Variants in KCNIP1 observed in about 807,000 individuals in gnomAD.
KCNIP1 encodes the protein A-type potassium channel modulatory protein KCNIP1.
A neutral mutation model predicts 33.0 loss-of-function variants in KCNIP1; 18 were observed. That is an observed-to-expected ratio of 0.55 (90% CI 0.38 to 0.81). The LOEUF (loss-of-function observed/expected upper bound fraction) is 0.81, where lower values mean the gene tolerates loss of function less well. KCNIP1 is among the 30% of genes least tolerant of loss of function. KCNIP1 has a pLI of 0.00. For missense variants in KCNIP1, 238 were observed against 271.6 expected, an observed-to-expected ratio of 0.88 and a Z score of 0.87; for synonymous variants, 93 against 98.3, an observed-to-expected ratio of 0.95 and a Z score of 0.32.
chr5:170,367,412 AGAAAGAAAGGAAAGAAAGAAAGAAAG>A (rs1561586913), intron 1 of KCNIP1, among the ~76,000 whole-genome samples: 9 of 104,106 alleles, frequency 8.6e-5, no homozygotes, highest in African/African-American at 1.8e-4. Flanking sequence ...AAAGAAAGAA[AGAAAGAAAGGAAAGAAAGAAAGAAAG>A]GAAAGAAAGG....
At chr5:170,704,604 T>C (rs1028038791) in intron 1 of KCNIP1, among the ~76,000 whole-genome samples, 8 of 152,128 alleles carry the variant, frequency 5.3e-5, no homozygotes, top group African/African-American at 1.9e-4. Context: ...TCTTGAAGGT[T>C]CCTCAGCAGG....
intron 1 of KCNIP1, chr5:170,378,373 C>G: frequency 4.1e-6 from 1 of 243,542 alleles, no homozygotes; most frequent in African/African-American, 2.2e-5. Context: ...AACTCAGGCA[C>G]AGAGGTGACG....
intron 1 of KCNIP1, among the ~76,000 whole-genome samples, chr5:170,362,926 A>G (rs1763553856): frequency 1.3e-5 from 2 of 152,210 alleles, no homozygotes; most frequent in South Asian, 4.1e-4. Flanking sequence ...TCTCTAAGCC[A>G]TGAAGCATAT....
In KCNIP1 at chr5:170,704,755, C is replaced by T. The variant is rs115317849; in HGVS notation, c.62-14003C>T. Among the ~76,000 whole-genome samples the T allele has an allele frequency of 4.1e-3, 618 of 152,282 alleles. 5 individuals carry two copies. The highest frequency in any genetic ancestry group is 0.014 in the African/African-American group (587 of 41,546). ...CTTCACCTCTTGTTTTTTATTTCTC[C>T]TGCCATACAACCTTCTTTTTATTTA... is the stretch of plus-strand genomic sequence containing the variant. On this transcript the variant is annotated intron_variant, in intron 1 of 7. Transcript: ENST00000328939.
chr5:170,392,086 G>T (rs774951510), intron 1 of KCNIP1, among the ~76,000 whole-genome samples: 2 of 152,130 alleles, frequency 1.3e-5, no homozygotes, highest in African/African-American at 2.4e-5. Context: ...CCCCCCACAC[G>T]CTCTCGGGAC....
chr5:170,482,274 C>T (rs1201760441), intron 1 of KCNIP1, among the ~76,000 whole-genome samples: 1 of 152,096 alleles, frequency 6.6e-6, no homozygotes, highest in Non-Finnish European at 1.5e-5. Context: ...CAGCAGTGCC[C>T]ATCTACCATC....
chr5:170,564,082 A>G (rs890704005), intron 1 of KCNIP1, among the ~76,000 whole-genome samples: 4 of 152,204 alleles, frequency 2.6e-5, no homozygotes, highest in African/African-American at 4.8e-5. Flanking sequence ...CTGTAAACAC[A>G]TTACGAACCA....
At chr5:170,402,828 T>C (rs1407616760) in intron 1 of KCNIP1, among the ~76,000 whole-genome samples, 1 of 152,164 alleles carries the variant, frequency 6.6e-6, no homozygotes, top group Non-Finnish European at 1.5e-5. Context: ...CACAGTGTCA[T>C]TCATTTACTT....
At chr5:170,651,584 C>A (rs570200573) in intron 1 of KCNIP1, among the ~76,000 whole-genome samples, 25 of 152,328 alleles carry the variant, frequency 1.6e-4, no homozygotes, top group Middle Eastern at 3.4e-3. Flanking sequence ...CATCTATAAT[C>A]TTCTACCGCC....
intron 1 of KCNIP1, among the ~76,000 whole-genome samples, chr5:170,714,616 G>T (rs1426216033): frequency 6.6e-6 from 1 of 152,122 alleles, no homozygotes; most frequent in Non-Finnish European, 1.5e-5. Context: ...ACTTCTTGAG[G>T]TTCCTGACCC....
intron 1 of KCNIP1, among the ~76,000 whole-genome samples, chr5:170,543,015 C>G (rs895398567): frequency 7.2e-5 from 11 of 152,144 alleles, no homozygotes; most frequent in African/African-American, 2.2e-4. Flanking sequence ...ATAGATGGTG[C>G]CTTCTAGCTA....
chr5:170,497,054 G>A (rs1757324143), intron 1 of KCNIP1, among the ~76,000 whole-genome samples: 2 of 152,110 alleles, frequency 1.3e-5, no homozygotes, highest in Admixed American at 1.3e-4. Flanking sequence ...TTATCTAAGT[G>A]CCCTGAGACT....
chr5:170,499,736 G>A (rs1757376296), upstream of KCNIP1, among the ~76,000 whole-genome samples: 2 of 152,156 alleles, frequency 1.3e-5, no homozygotes, highest in African/African-American at 4.8e-5. Flanking sequence ...GATACAAAGA[G>A]GAAGAAAGGA....
At chr5:170,622,023 C>T (rs1398052592) in intron 1 of KCNIP1, among the ~76,000 whole-genome samples, 3 of 152,146 alleles carry the variant, frequency 2.0e-5, no homozygotes, top group Admixed American at 6.5e-5. Context: ...GTCATTGAAT[C>T]CCTTTGAGCC....
At chr5:170,640,516 T>C (rs2113696094) in intron 1 of KCNIP1, among the ~76,000 whole-genome samples, 1 of 152,346 alleles carries the variant, frequency 6.6e-6, no homozygotes, top group South Asian at 2.1e-4. Context: ...TATCCAGAGC[T>C]GGGTTAAAAT....
chr5:170,587,421 C>CAAAA (rs56358014), intron 1 of KCNIP1, among the ~76,000 whole-genome samples: 9 of 70,334 alleles, frequency 1.3e-4, no homozygotes, highest in Admixed American at 3.2e-4. Flanking sequence ...GACTCTGTCT[C>CAAAA]AAAAAAAAAA....
chr5:170,527,479 C>T (rs1272524882), intron 1 of KCNIP1, among the ~76,000 whole-genome samples: 3 of 151,946 alleles, frequency 2.0e-5, no homozygotes, highest in Non-Finnish European at 4.4e-5. Context: ...CCTCTCAAAG[C>T]CTCAGTTAGC....
intron 1 of KCNIP1, among the ~76,000 whole-genome samples, chr5:170,462,038 C>A (rs1561636928): frequency 6.6e-6 from 1 of 152,128 alleles, no homozygotes. Context: ...AAAACCCCTT[C>A]TAGACATTCG....
intron 1 of KCNIP1, among the ~76,000 whole-genome samples, chr5:170,526,719 CTT>C (rs145988547): frequency 1.8e-4 from 22 of 122,800 alleles, no homozygotes; most frequent in African/African-American, 2.6e-4. Flanking sequence ...ATCTGATTAG[CTT>C]TTTTTTTTTT....
Sources: gnomAD v4.1 joint callset for allele counts (sites outside exome capture counted in the v4.1 genomes callset) on GRCh38, gnomAD v4.1.1 for gene constraint, MANE v1.5 for transcripts, NCBI Gene and HGNC (gene_info 2026-07-23, HGNC 2026-07-21) for gene names.